Variants in MARCHF1 observed in about 807,000 individuals in gnomAD.
MARCHF1 encodes E3 ubiquitin-protein ligase MARCHF1.
In MARCHF1, 40 loss-of-function variants were observed where a neutral mutation model predicts 54.2. That is an observed-to-expected ratio of 0.74 (90% CI 0.57 to 0.96). MARCHF1 has a LOEUF of 0.96. Ranked by LOEUF, MARCHF1 falls within the 40% of genes least tolerant of loss-of-function variation. The probability of loss-of-function intolerance (pLI) is 0.00; values close to 1 mark genes in which losing one functional copy is unlikely to be tolerated. For synonymous variants in MARCHF1, 236 were observed against 236.3 expected (o/e 1.00, Z 0.01); for missense variants, 586 against 656.5 (o/e 0.89, Z 1.17).
At chr4:163,668,455 T>C (rs974142356) in intron 5 of MARCHF1, among the ~76,000 whole-genome samples, 1 of 152,124 alleles carries the variant, frequency 6.6e-6, no homozygotes, top group African/African-American at 2.4e-5. Flanking sequence ...TGATAGAGAC[T>C]AGCACAAAAG....
intron 1 of MARCHF1, among the ~76,000 whole-genome samples, chr4:164,129,199 C>T (rs1309180870): frequency 6.6e-6 from 1 of 152,148 alleles, no homozygotes; most frequent in African/African-American, 2.4e-5. Context: ...GGCTTTTCTC[C>T]TGTTGTAGAA....
chr4:163,663,630 C>A (rs986156218), intron 5 of MARCHF1, among the ~76,000 whole-genome samples: 3 of 152,002 alleles, frequency 2.0e-5, no homozygotes, highest in African/African-American at 7.2e-5. Flanking sequence ...AAATGACTAA[C>A]CCAAGAGTGA....
intron 2 of MARCHF1, among the ~76,000 whole-genome samples, chr4:164,042,663 T>A (rs1421247609): frequency 6.6e-6 from 1 of 152,156 alleles, no homozygotes; most frequent in Non-Finnish European, 1.5e-5. Flanking sequence ...ACAATTACCC[T>A]TCTCAGCAGT....
intron 1 of MARCHF1, among the ~76,000 whole-genome samples, chr4:164,234,523 G>C (rs1288144666): frequency 6.6e-6 from 1 of 152,020 alleles, no homozygotes; most frequent in Admixed American, 6.6e-5. Flanking sequence ...CAGGGTTTCA[G>C]CCTACTTGTT....
intron 1 of MARCHF1, among the ~76,000 whole-genome samples, chr4:164,112,659 T>A (rs1304234916): frequency 2.0e-5 from 3 of 151,846 alleles, no homozygotes; most frequent in African/African-American, 7.2e-5. Context: ...AGTTGACATA[T>A]AAAAGTCAAC....
chr4:163,839,172 C>T (rs1367777324), intron 4 of MARCHF1, among the ~76,000 whole-genome samples: 2 of 151,984 alleles, frequency 1.3e-5, no homozygotes, highest in African/African-American at 4.8e-5. Context: ...GATAAAACAT[C>T]ACTTCATACC....
At chr4:164,334,714 G>A (rs1181205248) in intron 1 of MARCHF1, among the ~76,000 whole-genome samples, 1 of 152,134 alleles carries the variant, frequency 6.6e-6, no homozygotes, top group African/African-American at 2.4e-5. Flanking sequence ...CATTTCTTTA[G>A]GCTATAGCTT....
At chr4:163,939,395 A>G (rs897037154) in intron 3 of MARCHF1, among the ~76,000 whole-genome samples, 4 of 152,226 alleles carry the variant, frequency 2.6e-5, no homozygotes, top group South Asian at 2.1e-4. Flanking sequence ...TGATAATCCA[A>G]TTGTGCATGT....
intron 4 of MARCHF1, among the ~76,000 whole-genome samples, chr4:163,847,549 C>CTTTTTTTTTTTTTTTTTTTTTTTTT (rs747963284): frequency 3.1e-5 from 2 of 63,630 alleles, no homozygotes; most frequent in African/African-American, 1.4e-4. Flanking sequence ...TTACAGTTTG[C>CTTTTTTTTTTTTTTTTTTTTTTTTT]TTTTTTTTTT....
chr4:163,654,257 A>C (rs1252992490), intron 5 of MARCHF1, among the ~76,000 whole-genome samples: 1 of 151,758 alleles, frequency 6.6e-6, no homozygotes, highest in Non-Finnish European at 1.5e-5. Context: ...AACATAATTG[A>C]AATAGAAATC....
intron 1 of MARCHF1, among the ~76,000 whole-genome samples, chr4:164,198,322 A>G (rs1270478687): frequency 6.6e-6 from 1 of 152,246 alleles, no homozygotes; most frequent in East Asian, 1.9e-4. Flanking sequence ...TATACCTAAA[A>G]CCAAAGTATC....
At chr4:164,117,804 G>C (rs1755969038) in intron 1 of MARCHF1, among the ~76,000 whole-genome samples, 1 of 151,928 alleles carries the variant, frequency 6.6e-6, no homozygotes, top group African/African-American at 2.4e-5. Context: ...GGAGGCTGAG[G>C]CCGGAGAATT....
At position 163,801,379 on chromosome 4, in the gene MARCHF1, G is replaced by GA. The variant is rs900869789; in HGVS notation, c.111+52641dup. Among the ~76,000 whole-genome samples, 408 of 150,152 alleles carry GA rather than the reference G, an allele frequency of 2.7e-3. 1 individual carries two copies. Among genetic ancestry groups the GA allele is most frequent in the African/African-American group, 9.1e-3 (372 of 41,010 alleles). On this transcript the variant is annotated intron_variant, in intron 4 of 9. Coordinates refer to ENST00000514618, the MANE Select transcript of MARCHF1 (RefSeq NM_001394959.1). ...TGTAATACTTTATGCACCAGTTCTT[G>GA]AAAAAAAAATCCCTAGACACCTATC... is the stretch of plus-strand genomic sequence containing the variant.
chr4:163,887,276 G>A (rs771956650), intron 3 of MARCHF1, among the ~76,000 whole-genome samples: 1 of 152,016 alleles, frequency 6.6e-6, no homozygotes, highest in Non-Finnish European at 1.5e-5. Flanking sequence ...ATCAAAAAGG[G>A]GGTTTTTATG....
At chr4:164,349,899 A>T (rs780082320) in intron 1 of MARCHF1, among the ~76,000 whole-genome samples, 5 of 152,208 alleles carry the variant, frequency 3.3e-5, no homozygotes, top group African/African-American at 1.2e-4. Context: ...CATAGTGGTT[A>T]AAAAACTTAC....
rs2110850378 is a variant in MARCHF1 at position 163,528,661 on chromosome 4, G to GTAAA, written c.*83_*86dup. On this transcript the variant is annotated 3_prime_UTR_variant, in exon 10 of 10. Coordinates refer to ENST00000514618, the MANE Select transcript of MARCHF1 (RefSeq NM_001394959.1). ...TAGGAGAAAGGAGGAGCTGAAGGGA[G>GTAAA]TAAATAATTCAAGATCACTTCTGTC... The GTAAA allele has an allele frequency of 7.4e-7, 1 of 1,344,996 alleles. No individual in the cohort carries two copies. The highest frequency in any genetic ancestry group is 2.3e-5 in the East Asian group (1 of 43,036). The allele number at this position is 1,344,996 out of a possible 1,614,324, so 83.3% of individuals were successfully genotyped here.
At chr4:163,735,195 C>T (rs1038996022) in intron 4 of MARCHF1, among the ~76,000 whole-genome samples, 3 of 152,190 alleles carry the variant, frequency 2.0e-5, no homozygotes, top group Admixed American at 6.6e-5. Context: ...GTAGTCCTCA[C>T]ACACTTAGGA....
rs140411370 is a variant in MARCHF1, at chr4:163,791,668, T to C, written c.111+62353A>G. 4.2e-3 allele frequency among the ~76,000 whole-genome samples: 644 copies of C among 152,224 alleles called. 13 individuals are homozygous for C. The highest frequency in any genetic ancestry group is 0.015 in the African/African-American group (626 of 41,542). On this transcript the variant is annotated intron_variant, in intron 4 of 9. Transcript: ENST00000514618. ...ATTCACCCAGACATTGCTCCCTCCC[T>C]CCCTTGAGCTTACATAACTTTTCCA...
chr4:164,029,302 G>A (rs1344327429), intron 2 of MARCHF1, among the ~76,000 whole-genome samples: 1 of 152,074 alleles, frequency 6.6e-6, no homozygotes, highest in African/African-American at 2.4e-5. Flanking sequence ...GGAGTGAGGA[G>A]CTTCATATGG....
Sources: allele counts gnomAD v4.1 joint callset (sites outside exome capture counted in the v4.1 genomes callset), GRCh38; gene constraint gnomAD v4.1.1; transcripts MANE v1.5; gene names NCBI Gene and HGNC (gene_info 2026-07-23, HGNC 2026-07-21).